The following SSC4D variants were observed in gnomAD, a reference collection of about 807,000 sequenced individuals.
SSC4D encodes scavenger receptor cysteine rich family member with 4 domains.
In SSC4D, 57 loss-of-function variants were observed where a neutral mutation model predicts 63.4. The observed-to-expected ratio is 0.90, with a 90% CI of 0.73 to 1.12. The LOEUF (loss-of-function observed/expected upper bound fraction) is 1.12, where lower values mean the gene tolerates loss of function less well. SSC4D is among the 50% of genes most tolerant of loss of function. The probability of loss-of-function intolerance (pLI) is 0.00; values close to 1 mark genes in which losing one functional copy is unlikely to be tolerated. For synonymous variants in SSC4D, 352 were observed against 345.4 expected, an observed-to-expected ratio of 1.02 and a Z score of -0.21; for missense variants, 791 against 806.4, an observed-to-expected ratio of 0.98 and a Z score of 0.23.
rs572359536 is a variant in SSC4D, at chr7:76,393,720, C to CG, written c.1022-5dup. 7.2e-7 allele frequency: 1 copy of CG among 1,390,040 alleles called. No homozygotes were observed. Among genetic ancestry groups the CG allele is most frequent in the Admixed American group, 3.6e-5 (1 of 27,718 alleles). 86.1% of individuals were successfully genotyped at this position (1,390,040 alleles called of 1,614,324 possible). A position where few individuals can be genotyped will look rare whatever the true frequency, so the allele number is the denominator to read the frequency against. On this transcript the variant is annotated splice_region_variant and splice_polypyrimidine_tract_variant and intron_variant, in intron 8 of 10. Coordinates refer to ENST00000275560, the MANE Select transcript of SSC4D (RefSeq NM_080744.2). The stretch of plus-strand genomic sequence containing the variant: ...CCCACCAGTCGCAGCCGTCCACCTG[C>CG]GGGGCGCACAGGCCCGCGGCCAGAG...
chr7:76,398,638 C>A (rs1325680907), intron 5 of SSC4D, 82 bp downstream of exon 5: 6 of 1,431,560 alleles, frequency 4.2e-6, no homozygotes, highest in Non-Finnish European at 4.9e-6. Flanking sequence ...AATTTGTAAT[C>A]CCTGTCTTCC....
chr7:76,393,315 A>G, intron 9 of SSC4D, 90 bp downstream of exon 9: 3 of 1,242,418 alleles, frequency 2.4e-6, no homozygotes, highest in Non-Finnish European at 3.0e-6. Flanking sequence ...GCAGTGCCGC[A>G]AGAGAGGCCT....
At position 76,393,842 on chromosome 7, in the gene SSC4D, C is replaced by G. The variant is rs1306521989; in HGVS notation, c.1009G>C (p.Ala337Pro). The change falls in exon 8 of 11, where the codon GCG becomes CCG. Residue 337 changes from alanine to proline, a missense_variant. Coordinates refer to ENST00000275560, the MANE Select transcript of SSC4D (RefSeq NM_080744.2). ...TALLTTAAWAAGKKSGRLRLV... is the reference protein window; with the variant it reads ...TALLTTAAWAPGKKSGRLRLV... The stretch of plus-strand genomic sequence containing the variant: ...CACCGCCACTTACTTTTCTTCCCCG[C>G]GGCCCAGGCGGCGGTGGTGAGCAGT... 6.2e-7 allele frequency: 1 copy of G among 1,600,348 alleles called. No homozygotes were observed. The highest frequency in any genetic ancestry group is 1.7e-5 in the Admixed American group (1 of 58,636).
Position 76,391,950 on chromosome 7 carries a change from T to C in SSC4D, c.1411+14A>G, listed in dbSNP as rs1245806331. ...GATGCCTCCACCCACTTTCAGGGGA[T>C]TATGGGCACCTACCGTCCCTGGGCC... On this transcript the variant is annotated intron_variant, in intron 10 of 10. Transcript: ENST00000275560. The C allele has an allele frequency of 2.5e-6, 4 of 1,585,668 alleles. No individual in the cohort carries two copies. The African/African-American group carries it at 4.0e-5, about 16-fold the overall frequency.
intron 9 of SSC4D, 67 bp from the exon 10 acceptor site, chr7:76,392,108 G>A: frequency 1.3e-6 from 2 of 1,482,262 alleles, no homozygotes; most frequent in Non-Finnish European, 1.8e-6. Context: ...TTAGGGCCAG[G>A]TCCCCTCCTG....
Position 76,400,566 on chromosome 7 carries a change from GCTGGGGCCCCCCAC to G in SSC4D, c.181_194del (p.Val61ProfsTer19). 6.7e-7 allele frequency: 1 copy of G among 1,489,788 alleles called. No homozygotes were observed. 92.3% of individuals were successfully genotyped at this position (1,489,788 alleles called of 1,614,324 possible). On this transcript the variant is annotated frameshift_variant, in exon 4 of 11. Transcript: ENST00000275560. LOFTEE classifies it high-confidence loss of function. ...TGACTTCCAGGCGGCCCCGGCAGCG[GCTGGGGCCCCCCAC>G]CAGCCTCAGCTCTGTGAAGAGGGTG...
chr7:76,406,279 G>T (rs1805029254), intron 1 of SSC4D, among the ~76,000 whole-genome samples: 1 of 152,100 alleles, frequency 6.6e-6, no homozygotes, highest in African/African-American at 2.4e-5. Flanking sequence ...CACCTGGTCT[G>T]TGCATTCGAA....
chr7:76,400,915 G>C, intron 3 of SSC4D, 93 bp downstream of exon 3: 8 of 1,495,448 alleles, frequency 5.3e-6, no homozygotes, highest in Non-Finnish European at 7.3e-6. Context: ...GTCAAGGGGG[G>C]CTGGTTAGTC....
Position 76,400,480 on chromosome 7 carries a change from A to G in SSC4D, c.281T>C (p.Val94Ala). ...DDDWDVVDAN[V>A]VCRQLGCGLA... Reference sequence around the variant, plus strand: ...GCCACAGCCCAGCTGGCGACACACTACGTTGGCGTCCACCACGTCCCAGTC... The same window carrying G: ...GCCACAGCCCAGCTGGCGACACACTGCGTTGGCGTCCACCACGTCCCAGTC... The change falls in exon 4 of 11, where the codon GTA (valine) becomes GCA (alanine). Residue 94 changes from valine to alanine, a missense_variant. Val to Ala is a moderately conservative substitution (Grantham distance 64). Coordinates refer to ENST00000275560, the MANE Select transcript of SSC4D (RefSeq NM_080744.2). The G allele has an allele frequency of 6.2e-7, 1 of 1,606,892 alleles. No individual in the cohort carries two copies. Among genetic ancestry groups the G allele is most frequent in the Non-Finnish European group, 8.5e-7 (1 of 1,176,508 alleles).
chr7:76,400,346 T>C lies in SSC4D; in HGVS notation c.415A>G (p.Ser139Gly). 6 of 1,534,154 alleles carry C rather than the reference T, an allele frequency of 3.9e-6. No individual in the cohort carries two copies. In the Admixed American group the frequency reaches 6.2e-5, roughly 16 times the overall value. ...CAATTGTGGACGCCCCAGCCGCGGC[T>C]GCCGCACTCGCTCAGCGCAGCTTCC... ...GQEAALSECG[S>G]RGWGVHNCFH... Residue 139 changes from serine to glycine, a missense_variant, in exon 4 of 11, where the codon AGC (serine) becomes GGC (glycine). Transcript: ENST00000275560.
At position 76,390,306 on chromosome 7, in the gene SSC4D, C is replaced by T; in HGVS notation, c.1481G>A (p.Trp494Ter). The change falls in exon 11 of 11, where the codon TGG becomes TAG. Residue 494 changes from tryptophan to a stop codon, truncating the protein, a stop_gained. Transcript: ENST00000275560. LOFTEE classifies it high-confidence loss of function. ...CCAAGCATCATCACAGACAGTGCCC[C>T]ACCGTTGCCCTAGGTAGAGCTCTAC... Reference protein sequence around the residue: ...GRVELYLGQRWGTVCDDAWDL... With the variant: ...GRVELYLGQR 1 of 1,611,896 alleles carries T rather than the reference C, an allele frequency of 6.2e-7. No homozygotes were observed. Among genetic ancestry groups the T allele is most frequent in the East Asian group, 2.2e-5 (1 of 44,734 alleles).
At chr7:76,390,502 G>T in intron 10 of SSC4D, 127 bp from the exon 11 acceptor site, 1 of 827,422 alleles carries the variant, frequency 1.2e-6, no homozygotes, top group Non-Finnish European at 1.8e-6. Context: ...GCTAGATGAA[G>T]GCAGACACAT....
chr7:76,402,721 G>T (rs1037906700), intron 2 of SSC4D, among the ~76,000 whole-genome samples: 1 of 152,106 alleles, frequency 6.6e-6, no homozygotes, highest in Non-Finnish European at 1.5e-5. Flanking sequence ...CCAGGCTAGA[G>T]TGCAATGGTG....
At chr7:76,397,016 C>T (rs1252295037) in intron 6 of SSC4D, among the ~76,000 whole-genome samples, 1 of 152,168 alleles carries the variant, frequency 6.6e-6, no homozygotes, top group East Asian at 1.9e-4. Flanking sequence ...CTTGCTGGAA[C>T]ATTCTGGAGG....
chr7:76,397,893 G>A, intron 5 of SSC4D, 61 bp from the exon 6 acceptor site: 1 of 1,433,996 alleles, frequency 7.0e-7, no homozygotes, highest in Admixed American at 2.7e-5. Context: ...CGTCCGCACC[G>A]CAAGGGCAGC....
Position 76,390,067 on chromosome 7 carries a change from G to A in SSC4D, c.1720C>T (p.Pro574Ser), listed in dbSNP as rs1804459946. Residue 574 changes from proline (P) to serine (S), a missense_variant, in exon 11 of 11, where the codon CCT (proline) becomes TCT (serine). Coordinates refer to ENST00000275560, the MANE Select transcript of SSC4D (RefSeq NM_080744.2). ...HSEDASVLCQPS is the reference protein window; with the variant it reads ...HSEDASVLCQSS ...CTGCAGAGCGGGCTGGGTCATGAAG[G>A]CTGGCACAGGACACTGGCATCCTCG... 2.5e-6 allele frequency: 4 copies of A among 1,614,114 alleles called. No homozygotes were observed. Among genetic ancestry groups the A allele is most frequent in the African/African-American group, 1.3e-5 (1 of 74,964 alleles).
intron 1 of SSC4D, among the ~76,000 whole-genome samples, chr7:76,408,395 G>T (rs1018817348): frequency 3.3e-5 from 5 of 152,092 alleles, no homozygotes; most frequent in African/African-American, 7.2e-5. Context: ...TGAGGAGGGG[G>T]AAAGACACAG....
rs770658473 is a variant in SSC4D at position 76,400,465 on chromosome 7, A to G, written c.296T>C (p.Leu99Pro). 1.5e-5 allele frequency: 24 copies of G among 1,608,390 alleles called. No homozygotes were observed. The highest frequency in any genetic ancestry group is 2.0e-5 in the Non-Finnish European group (24 of 1,177,254). ...VVDANVVCRQLGCGLALPVPR... is the reference protein window; with the variant it reads ...VVDANVVCRQPGCGLALPVPR... ...CACGGGCAGTGCCAGGCCACAGCCC[A>G]GCTGGCGACACACTACGTTGGCGTC... is the stretch of plus-strand genomic sequence containing the variant. The change falls in exon 4 of 11, where the codon CTG becomes CCG. Residue 99 changes from leucine (L) to proline (P), a missense_variant. Leu to Pro is a moderately conservative substitution (Grantham distance 98). Transcript: ENST00000275560.
chr7:76,393,910 G>A lies in SSC4D; in HGVS notation c.947-6C>T, dbSNP rs1016442518. The A allele has an allele frequency of 1.1e-5, 17 of 1,599,412 alleles. No homozygotes were observed. Among genetic ancestry groups the A allele is most frequent in the Admixed American group, 1.7e-5 (1 of 58,482 alleles). ...CTGGGGGCCAACTCCTGTAGCTGTG[G>A]AGACAGGGCATCTAGGGCGTTCGAA... is the stretch of plus-strand genomic sequence containing the variant. On this transcript the variant is annotated splice_region_variant and splice_polypyrimidine_tract_variant and intron_variant, in intron 7 of 10. Transcript: ENST00000275560.
Sources: allele counts gnomAD v4.1 joint callset (sites outside exome capture counted in the v4.1 genomes callset), GRCh38; gene constraint gnomAD v4.1.1; transcripts MANE v1.5; gene names NCBI Gene and HGNC (gene_info 2026-07-23, HGNC 2026-07-21).